Variants in ELF1 observed in about 807,000 individuals in gnomAD.
ELF1 encodes the protein E74 like ETS transcription factor 1.
In ELF1, 24 loss-of-function variants were observed where a neutral mutation model predicts 59.9. That is an observed-to-expected ratio of 0.40 (90% CI 0.29 to 0.56). ELF1 has a LOEUF of 0.56. Among genes scored for constraint, ELF1 ranks in the 20% least tolerant of loss-of-function variants. The pLI is 0.44. For missense variants in ELF1, 627 were observed against 742.2 expected, an observed-to-expected ratio of 0.84 and a Z score of 1.80; for synonymous variants, 248 against 266.2, an observed-to-expected ratio of 0.93 and a Z score of 0.67.
At chr13:41,060,975 G>T in exon 1 of ELF1, 1 of 303,416 alleles carries the variant, frequency 3.3e-6, no homozygotes. Flanking sequence ...CCCGAGCTAG[G>T]GAACAAGCCC....
chr13:40,945,148 C>T (rs1035908736), intron 5 of ELF1, among the ~76,000 whole-genome samples: 18 of 152,146 alleles, frequency 1.2e-4, no homozygotes, highest in Non-Finnish European at 5.9e-5. Flanking sequence ...TAACCTCCAC[C>T]TTATTTTATG....
chr13:41,001,079 C>T (rs372924866), intron 1 of ELF1, among the ~76,000 whole-genome samples: 1 of 151,364 alleles, frequency 6.6e-6, no homozygotes, highest in Admixed American at 6.6e-5. Flanking sequence ...CGGGTTCAAG[C>T]GATTCTCCTG....
Position 40,943,005 on chromosome 13 carries a change from C to A in ELF1, c.753G>T (p.Gly251=). The change falls in exon 7 of 9, where the codon GGG becomes GGT. Residue 251 remains glycine (G), a synonymous_variant. Transcript: ENST00000239882. ...TCATATCAGGTTTGTTTTTGTGCTT[C>A]CCCCACAACCTGGACACTGCTTTAG... ...VDSKAVSRLW[G]KHKNKPDMNY... 6.2e-7 allele frequency: 1 copy of A among 1,609,536 alleles called. No individual in the cohort carries two copies. Among genetic ancestry groups the A allele is most frequent in the Non-Finnish European group, 8.5e-7 (1 of 1,177,520 alleles).
At chr13:40,948,178 C>G (rs957634915) in intron 5 of ELF1, among the ~76,000 whole-genome samples, 1 of 152,202 alleles carries the variant, frequency 6.6e-6, no homozygotes, top group African/African-American at 2.4e-5. Context: ...GTTTGTGTTT[C>G]TGAAAAATAT....
At chr13:41,051,361 C>A (rs757280146) in intron 1 of ELF1, among the ~76,000 whole-genome samples, 1 of 151,764 alleles carries the variant, frequency 6.6e-6, no homozygotes, top group Non-Finnish European at 1.5e-5. Context: ...CCAATTCATG[C>A]GCTGGGACAC....
intron 5 of ELF1, among the ~76,000 whole-genome samples, chr13:40,947,450 G>A (rs1393266900): frequency 6.6e-6 from 1 of 152,214 alleles, no homozygotes. Flanking sequence ...GCAGAGGCAG[G>A]AGAATCACCT....
chr13:40,950,878 G>C (rs1229919608), intron 4 of ELF1, among the ~76,000 whole-genome samples: 2 of 152,176 alleles, frequency 1.3e-5, no homozygotes, highest in African/African-American at 4.8e-5. Context: ...TTATGAATTT[G>C]ATTGCTTGTC....
At chr13:41,050,910 C>G (rs1313706703) in intron 1 of ELF1, among the ~76,000 whole-genome samples, 1 of 152,126 alleles carries the variant, frequency 6.6e-6, no homozygotes, top group African/African-American at 2.4e-5. Flanking sequence ...ATTTTACATC[C>G]CCACCAACAC....
At chr13:40,983,974 A>G (rs7329174) in intron 1 of ELF1, among the ~76,000 whole-genome samples, 7,268 of 152,242 alleles carry the variant, frequency 0.048, 427 homozygotes, top group East Asian at 0.23. Flanking sequence ...CCCAACATCT[A>G]TGCCTCAAAC....
intron 1 of ELF1, among the ~76,000 whole-genome samples, chr13:41,005,685 C>T (rs1874706832): frequency 6.6e-6 from 1 of 152,060 alleles, no homozygotes; most frequent in African/African-American, 2.4e-5. Flanking sequence ...ATATATTCAA[C>T]TATATACAAC....
intron 3 of ELF1, among the ~76,000 whole-genome samples, chr13:40,956,769 C>T (rs1012541465): frequency 1.3e-5 from 2 of 150,474 alleles, no homozygotes; most frequent in African/African-American, 4.9e-5. Context: ...CTCAGCTCAC[C>T]ACAACTTCCG....
At position 40,941,385 on chromosome 13, in the gene ELF1, C is replaced by T. The variant is rs886238116; in HGVS notation, c.807-15G>A. ...GGTAATAGTACCTATTCAAAGCAGA[C>T]AATTTCATCAATCAATCAAACATCA... On this transcript the variant is annotated splice_polypyrimidine_tract_variant and intron_variant, in intron 7 of 8. Coordinates refer to ENST00000239882, the MANE Select transcript of ELF1 (RefSeq NM_172373.4). The T allele has an allele frequency of 6.5e-7, 1 of 1,532,824 alleles. No individual in the cohort carries two copies. The allele number at this position is 1,532,824 out of a possible 1,614,324, so 95.0% of individuals were successfully genotyped here.
At chr13:41,020,211 A>G (rs1875635306), upstream of ELF1, among the ~76,000 whole-genome samples, 1 of 152,250 alleles carries the variant, frequency 6.6e-6, no homozygotes, top group African/African-American at 2.4e-5. Flanking sequence ...TACATCTGAC[A>G]AAGTGCCCAA....
At position 40,936,198 on chromosome 13, in the gene ELF1, G is replaced by C. The variant is rs185283387; in HGVS notation, c.1257-2170C>G. Among the ~76,000 whole-genome samples, 878 of 152,232 alleles carry C rather than the reference G, an allele frequency of 5.8e-3. 8 individuals are homozygous for C. Among genetic ancestry groups the C allele is most frequent in the South Asian group, 0.014 (69 of 4,818 alleles). Reference sequence around the variant, plus strand: ...GAAGAAGAGAGGCCATCTGACTGCAGAGCCGATGTGCCGCCTTACCATTAC... The same window carrying C: ...GAAGAAGAGAGGCCATCTGACTGCACAGCCGATGTGCCGCCTTACCATTAC... On this transcript the variant is annotated intron_variant, in intron 8 of 8. Transcript: ENST00000239882.
At chr13:40,955,394 G>A (rs545772022) in intron 3 of ELF1, among the ~76,000 whole-genome samples, 3,857 of 136,726 alleles carry the variant, frequency 0.028, 176 homozygotes, top group Middle Eastern at 0.06. Flanking sequence ...CCCCCTGCCC[G>A]GCCAGCTGCC....
Position 41,026,051 on chromosome 13 carries a change from C to T in ELF1, c.-229+34787G>A, listed in dbSNP as rs137904780. On this transcript the variant is annotated intron_variant, in intron 1 of 1. Coordinates refer to the ELF1 transcript ENST00000405737. Reference sequence around the variant, plus strand: ...TTCACAGGGATCTTGATCACCTTTCCCCTCAAGGTAACATATTAGTCCATT... The same window carrying T: ...TTCACAGGGATCTTGATCACCTTTCTCCTCAAGGTAACATATTAGTCCATT... Among the ~76,000 whole-genome samples the T allele has an allele frequency of 7.9e-5, 12 of 152,266 alleles. 1 individual carries two copies. The highest frequency in any genetic ancestry group is 1.8e-4 in the Non-Finnish European group (12 of 68,028).
At chr13:40,954,684 G>T (rs1871105774) in intron 3 of ELF1, among the ~76,000 whole-genome samples, 1 of 151,636 alleles carries the variant, frequency 6.6e-6, no homozygotes, top group African/African-American at 2.4e-5. Context: ...TCCTAACCGC[G>T]AGTGATCCGC....
At chr13:41,037,929 G>A (rs1336853032) in intron 1 of ELF1, among the ~76,000 whole-genome samples, 2 of 151,976 alleles carry the variant, frequency 1.3e-5, no homozygotes, top group African/African-American at 2.4e-5. Context: ...AAGTTATTGA[G>A]GTAAATCTCC....
At chr13:41,054,412 T>C (rs1380175887) in intron 1 of ELF1, among the ~76,000 whole-genome samples, 1 of 152,158 alleles carries the variant, frequency 6.6e-6, no homozygotes, top group Admixed American at 6.5e-5. Context: ...GTCCACAGGG[T>C]GGCAGTCTCA....
Sources: allele counts gnomAD v4.1 joint callset (sites outside exome capture counted in the v4.1 genomes callset), GRCh38; gene constraint gnomAD v4.1.1; transcripts MANE v1.5; gene names NCBI Gene and HGNC (gene_info 2026-07-23, HGNC 2026-07-21).